Variants in ERG observed in about 807,000 individuals in gnomAD.
The protein encoded by ERG is ETS transcription factor ERG.
In ERG, 9 loss-of-function variants were observed where a neutral mutation model predicts 55.3. That is an observed-to-expected ratio of 0.16 (90% CI 0.10 to 0.28). ERG has a LOEUF of 0.28. Among genes scored for constraint, ERG ranks in the 10% least tolerant of loss-of-function variants. ERG has a pLI of 1.00. For synonymous variants in ERG, 223 were observed against 237.3 expected (o/e 0.94, Z 0.55); for missense variants, 434 against 631.6 (o/e 0.69, Z 3.35).
chr21:38,483,245 T>A (rs1320949999), intron 1 of ERG, among the ~76,000 whole-genome samples: 1 of 152,176 alleles, frequency 6.6e-6, no homozygotes, highest in African/African-American at 2.4e-5. Context: ...TACCGTGCTG[T>A]GCTGTACTTG....
chr21:38,402,878 G>A (rs1988573634), intron 4 of ERG, among the ~76,000 whole-genome samples: 1 of 152,134 alleles, frequency 6.6e-6, no homozygotes, highest in Non-Finnish European at 1.5e-5. Context: ...AAGTGGTTGG[G>A]ATGCCAGGCA....
chr21:38,414,011 G>C (rs1166803295), intron 3 of ERG, among the ~76,000 whole-genome samples: 1 of 152,176 alleles, frequency 6.6e-6, no homozygotes, highest in Non-Finnish European at 1.5e-5. Context: ...GTGTGGCTTA[G>C]AAACAACAGA....
At chr21:38,634,278 C>T (rs1310663328) in intron 1 of ERG, among the ~76,000 whole-genome samples, 1 of 152,110 alleles carries the variant, frequency 6.6e-6, no homozygotes, top group African/African-American at 2.4e-5. Context: ...CCATTATGAG[C>T]AAAAGTCGCC....
chr21:38,533,057 G>A (rs1422890585), intron 2 of ERG, among the ~76,000 whole-genome samples: 1 of 152,218 alleles, frequency 6.6e-6, no homozygotes, highest in Non-Finnish European at 1.5e-5. Flanking sequence ...AGCACTTTGA[G>A]ATTTCAGATT....
chr21:38,660,963 C>A (rs909164908), intron 1 of ERG, among the ~76,000 whole-genome samples: 2 of 151,994 alleles, frequency 1.3e-5, no homozygotes, highest in African/African-American at 2.4e-5. Context: ...GCGCCCTGCT[C>A]GGGTTTAGGA....
intron 2 of ERG, among the ~76,000 whole-genome samples, chr21:38,512,461 C>G (rs1354718830): frequency 6.6e-6 from 1 of 152,172 alleles, no homozygotes; most frequent in Non-Finnish European, 1.5e-5. Flanking sequence ...CAAAGGATGT[C>G]TGCTATTACA....
chr21:38,534,859 C>T (rs11701227), intron 2 of ERG, among the ~76,000 whole-genome samples: 57,923 of 152,046 alleles, frequency 0.38, 12,500 homozygotes, highest in Non-Finnish European at 0.49. Context: ...CAAAATGTGG[C>T]ATACAATAAA....
chr21:38,554,499 G>A (rs2146823506), intron 2 of ERG, among the ~76,000 whole-genome samples: 1 of 152,258 alleles, frequency 6.6e-6, no homozygotes, highest in Admixed American at 6.5e-5. Context: ...CCATAAAATA[G>A]AATGAAATCA....
the ERG span, among the ~76,000 whole-genome samples, chr21:38,368,725 C>G: frequency 6.6e-6 from 1 of 152,128 alleles, no homozygotes; most frequent in Non-Finnish European, 1.5e-5. Context: ...GGTATTAAGC[C>G]TAGTACCCAT....
At chr21:38,587,237 T>G (rs76186517), upstream of ERG, among the ~76,000 whole-genome samples, 1 of 152,124 alleles carries the variant, frequency 6.6e-6, no homozygotes, top group Non-Finnish European at 1.5e-5. Context: ...TGTAATGTAT[T>G]CTTTTCCCAT....
intron 1 of ERG, among the ~76,000 whole-genome samples, chr21:38,456,701 A>C (rs897820179): frequency 6.6e-6 from 1 of 152,130 alleles, no homozygotes; most frequent in Non-Finnish European, 1.5e-5. Context: ...GTCTTCACCC[A>C]CTGTGAGGGT....
intron 2 of ERG, among the ~76,000 whole-genome samples, chr21:38,508,424 CGAAT>C (rs993850342): frequency 2.6e-5 from 4 of 151,896 alleles, no homozygotes; most frequent in African/African-American, 9.7e-5. Flanking sequence ...GCTGTAAGAA[CGAAT>C]GAATGAATGA....
intron 2 of ERG, among the ~76,000 whole-genome samples, chr21:38,441,348 TA>T (rs201472326): frequency 0.023 from 3,436 of 152,210 alleles, 66 homozygotes; most frequent in South Asian, 0.09. Context: ...TGATGTCAGA[TA>T]ATGTGAGTGG....
intron 1 of ERG, among the ~76,000 whole-genome samples, chr21:38,631,408 G>A (rs966682368): frequency 2.2e-4 from 33 of 152,036 alleles, no homozygotes; most frequent in Admixed American, 1.8e-3. Context: ...ACGCCCACAC[G>A]TCTCGTCTCT....
intron 3 of ERG, among the ~76,000 whole-genome samples, chr21:38,422,689 G>A (rs1049049958): frequency 3.3e-5 from 5 of 152,050 alleles, no homozygotes; most frequent in South Asian, 2.1e-4. Flanking sequence ...TTCTTGTCAC[G>A]TCTTTCAAGT....
intron 2 of ERG, among the ~76,000 whole-genome samples, chr21:38,572,292 C>G (rs1388644811): frequency 6.7e-6 from 1 of 148,994 alleles, no homozygotes; most frequent in African/African-American, 2.5e-5. Flanking sequence ...GGCGGGAACC[C>G]AGGAGGCAGA....
intron 2 of ERG, 109 bp downstream of exon 2, chr21:38,445,295 C>T (rs2058880964): frequency 1.2e-6 from 1 of 852,222 alleles, no homozygotes. Flanking sequence ...GCACAGTGGC[C>T]TTGCTTTCTA....
chr21:38,618,074 T>A (rs1009903036), intron 1 of ERG, among the ~76,000 whole-genome samples: 1 of 152,066 alleles, frequency 6.6e-6, no homozygotes, highest in African/African-American at 2.4e-5. Flanking sequence ...CACTTGACAA[T>A]GGGAATGGGG....
At chr21:38,573,515 C>T (rs566510726) in intron 2 of ERG, among the ~76,000 whole-genome samples, 6 of 152,326 alleles carry the variant, frequency 3.9e-5, no homozygotes, top group South Asian at 2.1e-4. Context: ...TTCTTTACTC[C>T]GCTGAGATGT....
Sources: allele counts gnomAD v4.1 joint callset (sites outside exome capture counted in the v4.1 genomes callset), GRCh38; gene constraint gnomAD v4.1.1; transcripts MANE v1.5; gene names NCBI Gene and HGNC (gene_info 2026-07-23, HGNC 2026-07-21).